The following PRKG1 variants were observed in gnomAD, a reference collection of about 807,000 sequenced individuals.
PRKG1 encodes the protein cGMP-dependent protein kinase 1.
In PRKG1, 35 loss-of-function variants were observed where a neutral mutation model predicts 88.1. The observed-to-expected ratio is 0.40, with a 90% confidence interval of 0.30 to 0.53. The LOEUF is 0.53. PRKG1 is among the 20% of genes least tolerant of loss of function. The probability of loss-of-function intolerance (pLI) is 0.59; values close to 1 mark genes in which losing one functional copy is unlikely to be tolerated. For missense variants in PRKG1, 540 were observed against 839.8 expected, an observed-to-expected ratio of 0.64 and a Z score of 4.41; for synonymous variants, 303 against 292.5, an observed-to-expected ratio of 1.04 and a Z score of -0.37.
At position 51,165,512 on chromosome 10, in the gene PRKG1, A is replaced by G. The variant is rs200027355; in HGVS notation, c.478+12182A>G. ...CTAACAAGCAAAATAACCAGCTAAC[A>G]TCATAATGACAGGATCAAATTCACA... On this transcript the variant is annotated intron_variant, in intron 2 of 17. Coordinates refer to ENST00000373980, the MANE Select transcript of PRKG1 (RefSeq NM_006258.4). Among the ~76,000 whole-genome samples the G allele has an allele frequency of 5.8e-4, 88 of 152,324 alleles. No homozygotes were observed. The East Asian group carries it at 0.014, about 25-fold the overall frequency.
At chr10:51,889,999 T>C (rs1335027675) in intron 4 of PRKG1, among the ~76,000 whole-genome samples, 1 of 152,202 alleles carries the variant, frequency 6.6e-6, no homozygotes. Context: ...TTTCTCCCAT[T>C]CTTTAGGTTG....
At chr10:51,616,394 G>A (rs1390275954) in intron 3 of PRKG1, among the ~76,000 whole-genome samples, 1 of 152,194 alleles carries the variant, frequency 6.6e-6, no homozygotes, top group Non-Finnish European at 1.5e-5. Context: ...GCAGTGTCAG[G>A]GGCAGGATAG....
At chr10:52,066,176 C>T (rs1846350095) in intron 7 of PRKG1, among the ~76,000 whole-genome samples, 1 of 152,142 alleles carries the variant, frequency 6.6e-6, no homozygotes, top group Admixed American at 6.5e-5. Flanking sequence ...TTTGACTTCA[C>T]TTCTCAGCCA....
intron 2 of PRKG1, among the ~76,000 whole-genome samples, chr10:51,308,744 G>T (rs1428471871): frequency 6.6e-6 from 1 of 152,154 alleles, no homozygotes; most frequent in Non-Finnish European, 1.5e-5. Flanking sequence ...GCCAATAACT[G>T]CAAGAAGCAA....
chr10:51,057,627 A>G (rs927033909), intron 1 of PRKG1, among the ~76,000 whole-genome samples: 4 of 152,054 alleles, frequency 2.6e-5, no homozygotes, highest in African/African-American at 9.7e-5. Flanking sequence ...CCCATGTGAT[A>G]TATATTCATT....
chr10:51,153,018 G>A (rs975925855), intron 1 of PRKG1, 146 bp from the exon 2 acceptor site: 43 of 166,360 alleles, frequency 2.6e-4, no homozygotes, highest in Non-Finnish European at 4.0e-4. Flanking sequence ...GACATACTTT[G>A]TTCTCCAGTC....
At chr10:51,165,355 T>C (rs1846507068) in intron 2 of PRKG1, among the ~76,000 whole-genome samples, 1 of 151,610 alleles carries the variant, frequency 6.6e-6, no homozygotes, top group African/African-American at 2.4e-5. Context: ...TGCTGAGAGA[T>C]TTTGTCACCA....
At chr10:51,225,161 G>T (rs1188460988) in intron 2 of PRKG1, among the ~76,000 whole-genome samples, 1 of 152,150 alleles carries the variant, frequency 6.6e-6, no homozygotes, top group Non-Finnish European at 1.5e-5. Flanking sequence ...GTCTGGAGGC[G>T]CTGGCGTATT....
At chr10:51,360,861 T>G (rs1842465295) in intron 2 of PRKG1, among the ~76,000 whole-genome samples, 1 of 151,820 alleles carries the variant, frequency 6.6e-6, no homozygotes, top group Non-Finnish European at 1.5e-5. Context: ...GTGAGATTTG[T>G]CTCTGAACAA....
intron 5 of PRKG1, among the ~76,000 whole-genome samples, chr10:51,915,099 G>T (rs1234647522): frequency 1.3e-5 from 2 of 152,162 alleles, no homozygotes; most frequent in Non-Finnish European, 2.9e-5. Flanking sequence ...TGTTTTGGCT[G>T]TGCAGCTGTT....
chr10:51,524,631 G>A (rs981338960), intron 3 of PRKG1, among the ~76,000 whole-genome samples: 1 of 152,112 alleles, frequency 6.6e-6, no homozygotes, highest in Non-Finnish European at 1.5e-5. Context: ...CCACGGCCAT[G>A]TTTTGCTGAC....
chr10:51,527,143 A>AT (rs979522731), intron 3 of PRKG1, among the ~76,000 whole-genome samples: 38 of 152,262 alleles, frequency 2.5e-4, no homozygotes, highest in Admixed American at 7.2e-4. Context: ...ATTTCTTTTG[A>AT]TTTTTTATCC....
intron 4 of PRKG1, among the ~76,000 whole-genome samples, chr10:51,894,286 A>G (rs1841789325): frequency 6.6e-6 from 1 of 152,206 alleles, no homozygotes; most frequent in Non-Finnish European, 1.5e-5. Flanking sequence ...CTTTGAAGAC[A>G]TTATACTGGA....
At chr10:51,230,585 A>T (rs1221364373) in intron 2 of PRKG1, among the ~76,000 whole-genome samples, 1 of 152,330 alleles carries the variant, frequency 6.6e-6, no homozygotes, top group Non-Finnish European at 1.5e-5. Context: ...CATGGGAGAT[A>T]GGTTCCAGGA....
chr10:51,829,702 A>G (rs1414841443), intron 4 of PRKG1, among the ~76,000 whole-genome samples: 2 of 152,234 alleles, frequency 1.3e-5, no homozygotes, highest in Non-Finnish European at 2.9e-5. Flanking sequence ...GTATGCATGC[A>G]CACATACATA....
At chr10:51,596,390 T>C (rs1838449465) in intron 3 of PRKG1, among the ~76,000 whole-genome samples, 1 of 152,204 alleles carries the variant, frequency 6.6e-6, no homozygotes, top group South Asian at 2.1e-4. Context: ...ACTTCATTTA[T>C]TACAGTCCAT....
chr10:51,236,599 T>C (rs1838996306), intron 2 of PRKG1, among the ~76,000 whole-genome samples: 1 of 151,734 alleles, frequency 6.6e-6, no homozygotes, highest in South Asian at 2.1e-4. Flanking sequence ...ACCTCCTAGG[T>C]TTAAGCGATT....
chr10:51,791,186 A>G (rs1838861885), intron 3 of PRKG1, among the ~76,000 whole-genome samples: 1 of 152,196 alleles, frequency 6.6e-6, no homozygotes, highest in Non-Finnish European at 1.5e-5. Flanking sequence ...AAAATAAAGA[A>G]AAATATGAGT....
chr10:51,608,391 G>A (rs899623122), intron 3 of PRKG1, among the ~76,000 whole-genome samples: 8 of 152,104 alleles, frequency 5.3e-5, no homozygotes, highest in African/African-American at 1.9e-4. Context: ...ATTGTTCAAA[G>A]AGTGCAATTT....
Sources: gnomAD v4.1 joint callset for allele counts (sites outside exome capture counted in the v4.1 genomes callset) on GRCh38, gnomAD v4.1.1 for gene constraint, MANE v1.5 for transcripts, NCBI Gene and HGNC (gene_info 2026-07-23, HGNC 2026-07-21) for gene names.